The following NFASC variants were observed in gnomAD, a reference collection of about 807,000 sequenced individuals.
NFASC encodes neurofascin.
A neutral mutation model predicts 147.5 loss-of-function variants in NFASC; 43 were observed. The ratio of observed to expected loss-of-function variants is 0.29; its 90% CI spans 0.23 to 0.38. The LOEUF is 0.38. NFASC is among the 10% of genes least tolerant of loss of function. NFASC has a pLI of 1.00. For missense variants in NFASC, 1,320 were observed against 1,689.0 expected, an observed-to-expected ratio of 0.78 and a Z score of 3.83; for synonymous variants, 622 against 665.5, an observed-to-expected ratio of 0.93 and a Z score of 1.01.
chr1:204,940,688 A>G (rs77481105), intron 2 of NFASC, among the ~76,000 whole-genome samples: 3,474 of 152,330 alleles, frequency 0.023, 125 homozygotes, highest in African/African-American at 0.078. Flanking sequence ...TGTCATATCT[A>G]TGGGATCATT....
intron 1 of NFASC, among the ~76,000 whole-genome samples, chr1:204,910,825 T>C (rs1350600018): frequency 2.1e-5 from 1 of 48,070 alleles, no homozygotes; most frequent in Non-Finnish European, 5.2e-5. Context: ...TTCCAAGAGA[T>C]TTTTTTTTAA....
chr1:204,915,508 T>G (rs2088997606), intron 1 of NFASC, among the ~76,000 whole-genome samples: 2 of 152,224 alleles, frequency 1.3e-5, no homozygotes, highest in East Asian at 3.9e-4. Context: ...TGAGTGGAGC[T>G]TGGGAAGCTG....
chr1:204,954,977 G>A lies in NFASC; in HGVS notation c.535+26G>A, dbSNP rs779381892. On this transcript the variant is annotated intron_variant, in intron 7 of 29. Coordinates refer to ENST00000339876, the MANE Select transcript of NFASC (RefSeq NM_001005388.3). This position sits in a 1 kb window ranked among gnomAD's most constrained non-coding sequence, Gnocchi z 5.7. ...GTGAGTCTTGGGGGCCTGGTGTTGT[G>A]TTTATATCTTAACCTTAGGGGGTGG... is the stretch of plus-strand genomic sequence containing the variant. The A allele has an allele frequency of 1.3e-6, 2 of 1,505,458 alleles. No homozygotes were observed. Among genetic ancestry groups the A allele is most frequent in the South Asian group, 2.2e-5 (2 of 89,506 alleles). 93.3% of individuals were successfully genotyped at this position (1,505,458 alleles called of 1,614,324 possible). A position where few individuals can be genotyped will look rare whatever the true frequency, so the allele number is the denominator to read the frequency against.
Position 205,016,130 on chromosome 1 carries a change from C to T in NFASC, c.3492-178C>T, listed in dbSNP as rs2096357133. 1.3e-5 allele frequency among the ~76,000 whole-genome samples: 2 copies of T among 152,206 alleles called. No homozygotes were observed. The highest frequency in any genetic ancestry group is 2.9e-5 in the Non-Finnish European group (2 of 68,048). On this transcript the variant is annotated intron_variant, in intron 29 of 29. Coordinates refer to ENST00000339876, the MANE Select transcript of NFASC (RefSeq NM_001005388.3). The surrounding 1 kb of genome is among the most constrained non-coding windows in gnomAD (Gnocchi z 5.1). The stretch of plus-strand genomic sequence containing the variant: ...ACCTCACCTTAGAGAAGGTGCTTGT[C>T]CTCTCTAGGCCTCCATTTCCCTTCT...
Position 204,986,074 on chromosome 1 carries a change from G to T in NFASC, c.2471-1344G>T, listed in dbSNP as rs747931527. On this transcript the variant is annotated intron_variant, in intron 21 of 29. Transcript: ENST00000339876. This position sits in a 1 kb window ranked among gnomAD's most constrained non-coding sequence, Gnocchi z 4.2. ...TTGTGGTCAATGGGAGAGGTGATGG[G>T]CCTCGCAGTGAGACCAAGGAGTTCA... The T allele has an allele frequency of 3.1e-6, 5 of 1,614,184 alleles. No homozygotes were observed. The South Asian group carries it at 5.5e-5, about 18-fold the overall frequency.
chr1:204,944,753 A>G (rs2093600528), intron 3 of NFASC: 1 of 268,308 alleles, frequency 3.7e-6, no homozygotes, highest in Non-Finnish European at 6.9e-6. Flanking sequence ...TGTGGTCTTG[A>G]CTTGCCCATG....
intron 27 of NFASC, among the ~76,000 whole-genome samples, chr1:205,005,932 T>A (rs1006339460): frequency 6.6e-5 from 10 of 152,224 alleles, no homozygotes; most frequent in Non-Finnish European, 1.2e-4. Flanking sequence ...CCTGGAATGA[T>A]GACTTTCTTT....
At chr1:204,960,513 T>C (rs1236263096) in intron 8 of NFASC, among the ~76,000 whole-genome samples, 1 of 152,242 alleles carries the variant, frequency 6.6e-6, no homozygotes, top group African/African-American at 2.4e-5. Flanking sequence ...AGTGACATTC[T>C]TGGAGCAGTC....
chr1:204,869,293 G>T (rs1274156138), intron 1 of NFASC, among the ~76,000 whole-genome samples: 2 of 152,196 alleles, frequency 1.3e-5, no homozygotes, highest in African/African-American at 4.8e-5. Flanking sequence ...CCTGCCCTGG[G>T]CGCCATACCA....
At position 204,876,998 on chromosome 1, in the gene NFASC, A is replaced by G. The variant is rs1306054406; in HGVS notation, c.-199-43634A>G. Among the ~76,000 whole-genome samples, 192 of 20,134 alleles carry G rather than the reference A, an allele frequency of 9.5e-3. 6 individuals carry two copies. The highest frequency in any genetic ancestry group is 0.043 in the African/African-American group (140 of 3,246). 13.2% of individuals were successfully genotyped at this position (20,134 alleles called of 152,430 possible). On this transcript the variant is annotated intron_variant, in intron 1 of 29. Coordinates refer to ENST00000339876, the MANE Select transcript of NFASC (RefSeq NM_001005388.3). Reference sequence around the variant, plus strand: ...TGCCAAATGAGTTGGCTAAATATGTATATATATATATATATATATATATAT... The same window carrying G: ...TGCCAAATGAGTTGGCTAAATATGTGTATATATATATATATATATATATAT...
chr1:204,940,230 A>T (rs1183118819), intron 2 of NFASC, among the ~76,000 whole-genome samples: 1 of 152,180 alleles, frequency 6.6e-6, no homozygotes, highest in African/African-American at 2.4e-5. Flanking sequence ...AGCTGGGTGG[A>T]TCACCTGAGG....
rs543255126 is a variant in NFASC at position 204,938,393 on chromosome 1, C to T, written c.-90-5833C>T. Among the ~76,000 whole-genome samples the T allele has an allele frequency of 3.0e-4, 45 of 152,286 alleles. 1 individual carries two copies. Among genetic ancestry groups the T allele is most frequent in the African/African-American group, 9.4e-4 (39 of 41,554 alleles). ...CATTTTTTAAGCATTTACGCTGTGC[C>T]CCATGCTTTACCAAGTGTTTTACAT... is the stretch of plus-strand genomic sequence containing the variant. On this transcript the variant is annotated intron_variant, in intron 2 of 29. Transcript: ENST00000339876.
chr1:204,894,934 A>G (rs2083108682), intron 1 of NFASC, among the ~76,000 whole-genome samples: 1 of 152,138 alleles, frequency 6.6e-6, no homozygotes, highest in African/African-American at 2.4e-5. Context: ...AAGGTTATCT[A>G]CCTAATTACT....
At chr1:204,994,296 G>C (rs1464635001) in intron 24 of NFASC, among the ~76,000 whole-genome samples, 1 of 152,238 alleles carries the variant, frequency 6.6e-6, no homozygotes, top group Non-Finnish European at 1.5e-5. Flanking sequence ...GTGGCCATCA[G>C]GGGAGGGGAC....
chr1:205,009,872 G>A (rs2096218599), intron 28 of NFASC, 184 bp downstream of exon 28: 4 of 667,982 alleles, frequency 6.0e-6, no homozygotes, highest in Non-Finnish European at 1.0e-5. Flanking sequence ...AGTTAATTAA[G>A]TTCGCCTGAG....
At chr1:204,897,237 T>G (rs2759281) in intron 1 of NFASC, among the ~76,000 whole-genome samples, 1 of 151,900 alleles carries the variant, frequency 6.6e-6, no homozygotes, top group African/African-American at 2.4e-5. Context: ...AGCTGAGATG[T>G]GACAAATGAG....
At chr1:204,935,884 G>C (rs2092773901) in intron 2 of NFASC, among the ~76,000 whole-genome samples, 1 of 152,150 alleles carries the variant, frequency 6.6e-6, no homozygotes, top group South Asian at 2.1e-4. Flanking sequence ...TTAGGCTGCT[G>C]CACAGGGTTT....
intron 24 of NFASC, among the ~76,000 whole-genome samples, chr1:204,995,998 C>G (rs1161264699): frequency 6.6e-6 from 1 of 152,096 alleles, no homozygotes; most frequent in Non-Finnish European, 1.5e-5. Flanking sequence ...CACAGGAGAT[C>G]CAGTGCAAGG....
intron 2 of NFASC, among the ~76,000 whole-genome samples, chr1:204,922,822 A>G (rs1277181277): frequency 6.6e-6 from 1 of 152,170 alleles, no homozygotes; most frequent in African/African-American, 2.4e-5. Context: ...ACGGCTGTTG[A>G]GCGTACAGTA....
Sources: gnomAD v4.1 joint callset for allele counts (sites outside exome capture counted in the v4.1 genomes callset) on GRCh38, gnomAD v4.1.1 for gene constraint, Gnocchi (gnomAD v3.1) non-coding constraint, MANE v1.5 for transcripts, NCBI Gene and HGNC (gene_info 2026-07-23, HGNC 2026-07-21) for gene names.